Variants in ERCC8 observed in about 807,000 individuals in gnomAD.
ERCC8 encodes the protein DNA excision repair protein ERCC-8.
A neutral mutation model predicts 54.9 loss-of-function variants in ERCC8; 52 were observed. The ratio of observed to expected loss-of-function variants is 0.95; its 90% CI spans 0.76 to 1.19. The LOEUF is 1.19. ERCC8 is among the 50% of genes most tolerant of loss of function. ERCC8 has a pLI of 0.00. For missense variants in ERCC8, 514 were observed against 466.1 expected, an observed-to-expected ratio of 1.10 and a Z score of -0.95; for synonymous variants, 146 against 157.2, an observed-to-expected ratio of 0.93 and a Z score of 0.53.
At chr5:60,940,295 C>A (rs1750219817) in intron 1 of ERCC8, among the ~76,000 whole-genome samples, 1 of 152,190 alleles carries the variant, frequency 6.6e-6, no homozygotes, top group Admixed American at 6.5e-5. Context: ...TATGGCTACG[C>A]ATAGTGGCCT....
chr5:60,867,101 G>T lies in ERCC8; in HGVS notation c.*7514C>A, dbSNP rs1208821759. 6.6e-6 allele frequency among the ~76,000 whole-genome samples: 1 copy of T among 152,048 alleles called. No homozygotes were observed. The highest frequency in any genetic ancestry group is 6.6e-5 in the Admixed American group (1 of 15,250). ...TCCATCCACCTCAGCCTCCCAAAGT[G>T]CTGGGATTATAGGCGTGAGCCACCA... is the stretch of plus-strand genomic sequence containing the variant. On this transcript the variant is annotated 3_prime_UTR_variant, in exon 12 of 12. Transcript: ENST00000676185.
intron 7 of ERCC8, among the ~76,000 whole-genome samples, chr5:60,900,097 C>T (rs935136607): frequency 6.6e-6 from 1 of 151,878 alleles, no homozygotes; most frequent in African/African-American, 2.4e-5. Flanking sequence ...CAAATGCTGT[C>T]AAGACAAGCA....
At chr5:60,892,250 T>C (rs191167022) in intron 9 of ERCC8, 3 of 550,592 alleles carry the variant, frequency 5.4e-6, no homozygotes, top group African/African-American at 1.9e-5. Context: ...AGTAGCTTTA[T>C]CTTCAATGGC....
chr5:60,917,597 T>C (rs942916303), intron 4 of ERCC8: 1 of 152,096 alleles, frequency 6.6e-6, no homozygotes, highest in African/African-American at 2.4e-5. Context: ...ATGAGAGAGT[T>C]TGAAGAAAGG....
In ERCC8 at chr5:60,938,441, T is replaced by C. The variant is rs1197266104; in HGVS notation, c.77+6491A>G. On this transcript the variant is annotated intron_variant, in intron 1 of 11. Coordinates refer to ENST00000676185, the MANE Select transcript of ERCC8 (RefSeq NM_000082.4). ...CTATGTCGGCTCACTGCAACCTCTG[T>C]CTCCAGAGTTCAAGCGATTCTCCTG... Among the ~76,000 whole-genome samples the C allele has an allele frequency of 2.0e-5, 3 of 150,542 alleles. No individual in the cohort carries two copies. The East Asian group carries it at 5.9e-4, about 30-fold the overall frequency.
chr5:60,894,242 C>A (rs1748658979), intron 9 of ERCC8, among the ~76,000 whole-genome samples: 1 of 152,052 alleles, frequency 6.6e-6, no homozygotes, highest in African/African-American at 2.4e-5. Context: ...CCTTGATCTC[C>A]CAAAGTGCTG....
At chr5:60,924,325 CTGGTTGAA>C (rs760871685) in intron 2 of ERCC8, 18 of 152,862 alleles carry the variant, frequency 1.2e-4, no homozygotes, top group Non-Finnish European at 2.1e-4. Flanking sequence ...TCTTGTCATT[CTGGTTGAA>C]TGATTTCATT....
intron 11 of ERCC8, among the ~76,000 whole-genome samples, chr5:60,881,955 G>A (rs891499569): frequency 5.3e-5 from 8 of 152,182 alleles, no homozygotes; most frequent in Admixed American, 1.3e-4. Context: ...CATTGCTCAC[G>A]CTGGGAGCTG....
At chr5:60,908,278 C>G (rs1749138282) in intron 4 of ERCC8, among the ~76,000 whole-genome samples, 1 of 151,312 alleles carries the variant, frequency 6.6e-6, no homozygotes, top group Admixed American at 6.6e-5. Flanking sequence ...CATTACAAAT[C>G]TAGAACTCAA....
In ERCC8 at chr5:60,872,066, G is replaced by T. The variant is rs1042363041; in HGVS notation, c.*2549C>A. ...ATCTGCCTGTCTCAGCTCACAAAGT[G>T]TTAGGATTACAACCACCGTGCCCGG... On this transcript the variant is annotated 3_prime_UTR_variant, in exon 12 of 12. Coordinates refer to ENST00000676185, the MANE Select transcript of ERCC8 (RefSeq NM_000082.4). 1.1e-4 allele frequency among the ~76,000 whole-genome samples: 16 copies of T among 152,100 alleles called. No homozygotes were observed. The highest frequency in any genetic ancestry group is 3.9e-4 in the African/African-American group (16 of 41,420).
At chr5:60,915,716 C>G (rs1339410051) in intron 4 of ERCC8, among the ~76,000 whole-genome samples, 1 of 151,904 alleles carries the variant, frequency 6.6e-6, no homozygotes, top group Non-Finnish European at 1.5e-5. Context: ...TTTCTCTGGC[C>G]ATTCTCCCAG....
chr5:60,904,634 GTATATATATATA>G (rs869039109), intron 5 of ERCC8, among the ~76,000 whole-genome samples, 146 bp downstream of exon 5: 1,316 of 49,960 alleles, frequency 0.026, 53 homozygotes, highest in African/African-American at 0.081. Flanking sequence ...GTGTGTGTGT[GTATATATATATA>G]TATATATATA....
At chr5:60,879,908 A>G (rs1341444989) in intron 11 of ERCC8, among the ~76,000 whole-genome samples, 1 of 152,226 alleles carries the variant, frequency 6.6e-6, no homozygotes, top group Non-Finnish European at 1.5e-5. Flanking sequence ...TCCTGTCATG[A>G]TGACATTAGC....
At chr5:60,928,443 C>T (rs1580039503) in intron 2 of ERCC8, among the ~76,000 whole-genome samples, 1 of 152,074 alleles carries the variant, frequency 6.6e-6, no homozygotes, top group Non-Finnish European at 1.5e-5. Context: ...AAGGGTAAAG[C>T]CAGGAAGAAC....
rs138752036 is a variant in ERCC8, at chr5:60,874,666, T to C, written c.1140A>G (p.Gln380=). ...PDDDETTTKS[Q]LNPAFEDAWS... ...AGGCATCTTCAAAGGCCGGATTTAA[T>C]TGTGATTTTGTTGTAGTCTAAAAAA... Residue 380 remains glutamine, a synonymous_variant, in exon 12 of 12, where the codon CAA becomes CAG. Transcript: ENST00000676185. The C allele has an allele frequency of 6.4e-5, 103 of 1,610,892 alleles. No homozygotes were observed. The highest frequency in any genetic ancestry group is 5.6e-4 in the African/African-American group (42 of 74,846).
intron 1 of ERCC8, among the ~76,000 whole-genome samples, chr5:60,937,738 C>T (rs1028684673): frequency 1.1e-4 from 16 of 152,194 alleles, no homozygotes; most frequent in Admixed American, 2.0e-4. Context: ...AGCCAGCCAA[C>T]TCACAGTTCC....
chr5:60,931,067 C>A (rs1388857781), intron 1 of ERCC8, among the ~76,000 whole-genome samples: 2 of 151,764 alleles, frequency 1.3e-5, no homozygotes, highest in African/African-American at 4.8e-5. Flanking sequence ...TGAGATCATG[C>A]CACTGCACTC....
chr5:60,917,145 A>C (rs982076828), intron 4 of ERCC8, among the ~76,000 whole-genome samples: 5 of 152,080 alleles, frequency 3.3e-5, no homozygotes, highest in African/African-American at 1.2e-4. Context: ...TTTGCTAACA[A>C]ATTAAATGAC....
chr5:60,910,369 G>C (rs932886471), intron 4 of ERCC8, among the ~76,000 whole-genome samples: 4 of 151,956 alleles, frequency 2.6e-5, no homozygotes, highest in African/African-American at 9.7e-5. Context: ...CTGCTGTTTT[G>C]CATTTCCATA....
Sources: allele counts gnomAD v4.1 joint callset (sites outside exome capture counted in the v4.1 genomes callset), GRCh38; gene constraint gnomAD v4.1.1; transcripts MANE v1.5; gene names NCBI Gene and HGNC (gene_info 2026-07-23, HGNC 2026-07-21).